The following MYADM variants were observed in gnomAD, a reference collection of about 807,000 sequenced individuals.
MYADM encodes myeloid associated differentiation marker.
For synonymous variants in MYADM, 224 were observed against 210.2 expected, an observed-to-expected ratio of 1.07 and a Z score of -0.57; for missense variants, 416 against 443.4, an observed-to-expected ratio of 0.94 and a Z score of 0.56.
rs975474419 is a variant in MYADM, at chr19:53,868,815, T to C, written c.-88+872T>C. 1 of 152,170 alleles carries C rather than the reference T, an allele frequency of 6.6e-6. No homozygotes were observed. Among genetic ancestry groups the C allele is most frequent in the Middle Eastern group, 3.4e-3 (1 of 294 alleles). The allele number at this position is 152,170 out of a possible 1,614,324, so 9.4% of individuals were successfully genotyped here. The stretch of plus-strand genomic sequence containing the variant: ...ATTCCTGAGCTCTGATCTCGGGCGA[T>C]GGCTGGAGGCCCTAAGGGCGGGGTG... On this transcript the variant is annotated intron_variant, in intron 1 of 2. Transcript: ENST00000391770. The surrounding 1 kb of genome is among the most constrained non-coding windows in gnomAD (Gnocchi z 6.3).
In MYADM at chr19:53,873,757, C is replaced by T. The variant is rs773526761; in HGVS notation, c.228C>T (p.Phe76=). ...CCATGTTCACCTGGTGCTTCTGCTT[C>T]TCCGTGACCCTGATCATCCTCATCG... is the stretch of plus-strand genomic sequence containing the variant. ...NWSMFTWCFC[F]SVTLIILIVE... The change falls in exon 3 of 3, where the codon TTC becomes TTT. Residue 76 remains phenylalanine, a synonymous_variant. Coordinates refer to ENST00000391770, the MANE Select transcript of MYADM (RefSeq NM_138373.5). The surrounding 1 kb of genome is among the most constrained non-coding windows in gnomAD (Gnocchi z 4.3). 9 of 1,613,880 alleles carry T rather than the reference C, an allele frequency of 5.6e-6. No homozygotes were observed. The East Asian group carries it at 1.8e-4, about 32-fold the overall frequency.
chr19:53,871,450 C>G (rs941652911), intron 2 of MYADM, among the ~76,000 whole-genome samples: 1 of 152,036 alleles, frequency 6.6e-6, no homozygotes, highest in East Asian at 1.9e-4. Flanking sequence ...TTGCAGTACT[C>G]CAGTCCTAAA....
rs770655854 is a variant in MYADM at position 53,873,581 on chromosome 19, T to C, written c.52T>C (p.Ser18Pro). 9 of 1,612,284 alleles carry C rather than the reference T, an allele frequency of 5.6e-6. No individual in the cohort carries two copies. The South Asian group carries it at 9.9e-5, about 18-fold the overall frequency. The change falls in exon 3 of 3, where the codon TCG (serine) becomes CCG (proline). Residue 18 changes from serine (S) to proline (P), a missense_variant. Physicochemically the swap from Ser to Pro is moderately conservative, Grantham distance 74 (BLOSUM62 -1). Coordinates refer to ENST00000391770, the MANE Select transcript of MYADM (RefSeq NM_138373.5). This position sits in a 1 kb window ranked among gnomAD's most constrained non-coding sequence, Gnocchi z 4.3. The stretch of plus-strand genomic sequence containing the variant: ...CATCACAACCACCACGACGTCATCT[T>C]CGGGCCTGGGGTCCCCCATGATCGT... Reference protein sequence around the residue: ...TTITTTTTSSSGLGSPMIVGS... With the variant: ...TTITTTTTSSPGLGSPMIVGS...
chr19:53,873,574 G>A lies in MYADM; in HGVS notation c.45G>A (p.Thr15=), dbSNP rs772957210. ...GCACCACCATCACAACCACCACGAC[G>A]TCATCTTCGGGCCTGGGGTCCCCCA... ...VTRTTITTTT[T]SSSGLGSPMI... Residue 15 remains threonine (T), a synonymous_variant, in exon 3 of 3, where the codon ACG becomes ACA. Coordinates refer to ENST00000391770, the MANE Select transcript of MYADM (RefSeq NM_138373.5). The surrounding 1 kb of genome is among the most constrained non-coding windows in gnomAD (Gnocchi z 4.3). The A allele has an allele frequency of 2.7e-5, 43 of 1,611,640 alleles. No homozygotes were observed. Among genetic ancestry groups the A allele is most frequent in the Non-Finnish European group, 3.1e-5 (36 of 1,178,592 alleles).
At chr19:53,872,393 G>A (rs541100880) in intron 2 of MYADM, among the ~76,000 whole-genome samples, 35 of 151,572 alleles carry the variant, frequency 2.3e-4, no homozygotes, top group South Asian at 8.4e-4. Context: ...ACCGAGTGTC[G>A]CCACGTTGGC....
chr19:53,872,527 A>G (rs2068413237), intron 2 of MYADM, among the ~76,000 whole-genome samples: 2 of 147,956 alleles, frequency 1.4e-5, no homozygotes, highest in African/African-American at 2.6e-5. Context: ...TTTTTTTTTG[A>G]GTCAGGGTCT....
In MYADM at chr19:53,875,184, C is replaced by A. The variant is rs1428840826; in HGVS notation, c.*686C>A. On this transcript the variant is annotated 3_prime_UTR_variant, in exon 3 of 3. Transcript: ENST00000391770. ...GCATGCCTGCCCACCCTCGCTGTGC[C>A]TTAGTCAGTGTGTACGTGTGTGTGT... The A allele has an allele frequency of 6.3e-6, 1 of 159,196 alleles. No homozygotes were observed. The highest frequency in any genetic ancestry group is 1.5e-5 in the Non-Finnish European group (1 of 67,858). The allele number at this position is 159,196 out of a possible 1,614,324, so 9.9% of individuals were successfully genotyped here. A position where few individuals can be genotyped will look rare whatever the true frequency, so the allele number is the denominator to read the frequency against.
Position 53,873,577 on chromosome 19 carries a change from A to G in MYADM, c.48A>G (p.Ser16=), listed in dbSNP as rs746694789. ...CCACCATCACAACCACCACGACGTC[A>G]TCTTCGGGCCTGGGGTCCCCCATGA... ...TRTTITTTTT[S]SSGLGSPMIV... Residue 16 remains serine, a synonymous_variant, in exon 3 of 3, where the codon TCA becomes TCG. Coordinates refer to ENST00000391770, the MANE Select transcript of MYADM (RefSeq NM_138373.5). This position sits in a 1 kb window ranked among gnomAD's most constrained non-coding sequence, Gnocchi z 4.3. The G allele has an allele frequency of 1.2e-6, 2 of 1,611,936 alleles. No homozygotes were observed. The highest frequency in any genetic ancestry group is 1.7e-5 in the Admixed American group (1 of 59,662).
rs977317665 is a variant in MYADM at position 53,868,455 on chromosome 19, T to G, written c.-88+512T>G. The stretch of plus-strand genomic sequence containing the variant: ...GTTTGGGAATGAGAATGGAAGGAAT[T>G]CAGAATTACTGACCCCTCCCCATCC... On this transcript the variant is annotated intron_variant, in intron 1 of 2. Transcript: ENST00000391770. This position sits in a 1 kb window ranked among gnomAD's most constrained non-coding sequence, Gnocchi z 6.3. Among the ~76,000 whole-genome samples, 4 of 151,406 alleles carry G rather than the reference T, an allele frequency of 2.6e-5. No individual in the cohort carries two copies. The highest frequency in any genetic ancestry group is 9.7e-5 in the African/African-American group (4 of 41,140).
rs2068430427 is a variant in MYADM at position 53,873,289 on chromosome 19, T to C, written c.-2-239T>C. On this transcript the variant is annotated intron_variant, in intron 2 of 2. Coordinates refer to ENST00000391770, the MANE Select transcript of MYADM (RefSeq NM_138373.5). The surrounding 1 kb of genome is among the most constrained non-coding windows in gnomAD (Gnocchi z 4.3). ...CGGGAGGCTGAGGCAGGAGAATCAC[T>C]TGAACCTGAGTAGCAGAGGTTGTAG... 6.6e-6 allele frequency among the ~76,000 whole-genome samples: 1 copy of C among 152,022 alleles called. No individual in the cohort carries two copies. The highest frequency in any genetic ancestry group is 1.5e-5 in the Non-Finnish European group (1 of 68,000).
chr19:53,869,333 G>A (rs183774392), intron 1 of MYADM: 1,905 of 152,660 alleles, frequency 0.012, 37 homozygotes, highest in African/African-American at 0.043. Flanking sequence ...ATCCGGGAGA[G>A]GGCGGGCAGC....
rs67727940 is a variant in MYADM, at chr19:53,874,771, CTTTTTTT to C, written c.*289_*295del. On this transcript the variant is annotated 3_prime_UTR_variant, in exon 3 of 3. Coordinates refer to ENST00000391770, the MANE Select transcript of MYADM (RefSeq NM_138373.5). ...CCTGAGCTGTTTCTCTTTTTCTTTT[CTTTTTTT>C]TTTTTTTTTTTTTTTAAGACGGATT... 2.3e-5 allele frequency: 4 copies of C among 172,104 alleles called. No homozygotes were observed. Among genetic ancestry groups the C allele is most frequent in the African/African-American group, 5.7e-5 (2 of 35,066 alleles). 10.7% of individuals were successfully genotyped at this position (172,104 alleles called of 1,614,324 possible). A position where few individuals can be genotyped will look rare whatever the true frequency, so the allele number is the denominator to read the frequency against.
chr19:53,869,141 G>A (rs2068305306), intron 1 of MYADM: 1 of 152,304 alleles, frequency 6.6e-6, no homozygotes, highest in Non-Finnish European at 1.5e-5. Flanking sequence ...GCGTAGCTGG[G>A]CCTCGGGCCT....
intron 2 of MYADM, among the ~76,000 whole-genome samples, chr19:53,870,584 C>T (rs1340055737): frequency 6.6e-6 from 1 of 152,158 alleles, no homozygotes; most frequent in East Asian, 1.9e-4. Context: ...AGTCCAGGCC[C>T]TGGCTCCTTT....
chr19:53,873,617 C>A lies in MYADM; in HGVS notation c.88C>A (p.Arg30=). Residue 30 remains arginine, a synonymous_variant, in exon 3 of 3, where the codon CGG becomes AGG. Transcript: ENST00000391770. This position sits in a 1 kb window ranked among gnomAD's most constrained non-coding sequence, Gnocchi z 4.3. ...GTCCCCCATGATCGTGGGGTCCCCT[C>A]GGGCCCTGACACAGCCCCTGGGTCT... is the stretch of plus-strand genomic sequence containing the variant. ...LGSPMIVGSP[R]ALTQPLGLLR... is the part of the protein sequence containing the mutation. 6.2e-7 allele frequency: 1 copy of A among 1,614,176 alleles called. No homozygotes were observed. Among genetic ancestry groups the A allele is most frequent in the Non-Finnish European group, 8.5e-7 (1 of 1,180,034 alleles).
chr19:53,875,174 C>G lies in MYADM; in HGVS notation c.*676C>G, dbSNP rs1599929185. 1 of 163,752 alleles carries G rather than the reference C, an allele frequency of 6.1e-6. No homozygotes were observed. The highest frequency in any genetic ancestry group is 2.1e-4 in the South Asian group (1 of 4,804). 10.1% of individuals were successfully genotyped at this position (163,752 alleles called of 1,614,324 possible). The stretch of plus-strand genomic sequence containing the variant: ...CATTGCCAAAGCATGCCTGCCCACC[C>G]TCGCTGTGCCTTAGTCAGTGTGTAC... On this transcript the variant is annotated 3_prime_UTR_variant, in exon 3 of 3. Coordinates refer to ENST00000391770, the MANE Select transcript of MYADM (RefSeq NM_138373.5).
At position 53,874,395 on chromosome 19, in the gene MYADM, C is replaced by T. The variant is rs1220514849; in HGVS notation, c.866C>T (p.Ala289Val). 1 of 1,614,220 alleles carries T rather than the reference C, an allele frequency of 6.2e-7. No homozygotes were observed. The highest frequency in any genetic ancestry group is 1.7e-5 in the Admixed American group (1 of 60,024). ...CSRSHAYYVC[A>V]WDRRLAVAIL... The stretch of plus-strand genomic sequence containing the variant: ...CGCAGCCATGCCTACTACGTGTGTG[C>T]CTGGGACCGCCGACTGGCTGTGGCC... The change falls in exon 3 of 3, where the codon GCC (alanine) becomes GTC (valine). Residue 289 changes from alanine to valine, a missense_variant. Physicochemically the swap from Ala to Val is moderately conservative, Grantham distance 64. Transcript: ENST00000391770.
chr19:53,874,469 T>C lies in MYADM; in HGVS notation c.940T>C (p.Ser314Pro). The change falls in exon 3 of 3, where the codon TCT (serine) becomes CCT (proline). Residue 314 changes from serine (S) to proline (P), a missense_variant. Coordinates refer to ENST00000391770, the MANE Select transcript of MYADM (RefSeq NM_138373.5). Reference protein sequence around the residue: ...LLAYVADLVHSAHLVFVKV With the variant: ...LLAYVADLVHPAHLVFVKV The stretch of plus-strand genomic sequence containing the variant: ...GGCGTATGTGGCTGACCTGGTGCAC[T>C]CTGCCCACCTGGTTTTTGTCAAGGT... 6.2e-7 allele frequency: 1 copy of C among 1,610,732 alleles called. No homozygotes were observed. Among genetic ancestry groups the C allele is most frequent in the South Asian group, 1.1e-5 (1 of 90,844 alleles).
Position 53,873,769 on chromosome 19 carries a change from G to T in MYADM, c.240G>T (p.Leu80=), listed in dbSNP as rs765784009. The T allele has an allele frequency of 6.2e-7, 1 of 1,613,920 alleles. No homozygotes were observed. The part of the protein sequence containing the change: ...FTWCFCFSVT[L]IILIVELCGL... ...GGTGCTTCTGCTTCTCCGTGACCCT[G>T]ATCATCCTCATCGTGGAGCTGTGCG... Residue 80 remains leucine, a synonymous_variant, in exon 3 of 3, where the codon CTG becomes CTT. Coordinates refer to ENST00000391770, the MANE Select transcript of MYADM (RefSeq NM_138373.5). This position sits in a 1 kb window ranked among gnomAD's most constrained non-coding sequence, Gnocchi z 4.3.
Sources: gnomAD v4.1 joint callset for allele counts (sites outside exome capture counted in the v4.1 genomes callset) on GRCh38, gnomAD v4.1.1 for gene constraint, Gnocchi (gnomAD v3.1) non-coding constraint, MANE v1.5 for transcripts, NCBI Gene and HGNC (gene_info 2026-07-23, HGNC 2026-07-21) for gene names.